PCDHA3: variants seen among roughly 807,000 people sequenced by gnomAD.
PCDHA3 encodes the protein protocadherin alpha-3.
PCDHA3 carries 41 observed loss-of-function variants against 62.2 expected under a neutral mutation model. The ratio of observed to expected loss-of-function variants is 0.66; its 90% CI spans 0.51 to 0.86. The LOEUF (loss-of-function observed/expected upper bound fraction) is 0.86, where lower values mean the gene tolerates loss of function less well. Among genes scored for constraint, PCDHA3 ranks in the 40% least tolerant of loss-of-function variants. The probability of loss-of-function intolerance (pLI) is 0.00; values close to 1 mark genes in which losing one functional copy is unlikely to be tolerated. For synonymous variants in PCDHA3, 640 were observed against 555.4 expected, an observed-to-expected ratio of 1.15 and a Z score of -2.14; for missense variants, 1,304 against 1,241.2, an observed-to-expected ratio of 1.05 and a Z score of -0.76.
chr5:140,839,529 A>G (rs1291835739), intron 1 of PCDHA3, among the ~76,000 whole-genome samples: 5 of 151,980 alleles, frequency 3.3e-5, no homozygotes, highest in Admixed American at 2.6e-4. Flanking sequence ...TGCTGGGACT[A>G]TAGGCACACA....
intron 1 of PCDHA3, among the ~76,000 whole-genome samples, chr5:140,909,036 C>T (rs2074275767): frequency 6.6e-6 from 1 of 152,162 alleles, no homozygotes; most frequent in Non-Finnish European, 1.5e-5. Flanking sequence ...CATTTATTTT[C>T]CATACTCTGG....
chr5:140,924,931 T>C (rs1414085243), intron 1 of PCDHA3, among the ~76,000 whole-genome samples: 1 of 125,890 alleles, frequency 7.9e-6, no homozygotes, highest in Admixed American at 8.0e-5. Context: ...TAAAATAAAA[T>C]AAAATAAAAA....
chr5:140,933,503 AAAGACT>A (rs2089194435), intron 1 of PCDHA3, among the ~76,000 whole-genome samples: 1 of 152,098 alleles, frequency 6.6e-6, no homozygotes, highest in Non-Finnish European at 1.5e-5. Flanking sequence ...ATTGTTAAGC[AAAGACT>A]ACAGCTGTTT....
chr5:140,884,733 T>C lies in PCDHA3; in HGVS notation c.2394+81142T>C, dbSNP rs782206169. On this transcript the variant is annotated intron_variant, in intron 1 of 3. Transcript: ENST00000522353. ...TCCTTGCAGTTGTTTGTTTAAGACA[T>C]CTTTCCTGCCAATTTCAAATTATTC... 1.1e-4 allele frequency: 158 copies of C among 1,448,002 alleles called. No homozygotes were observed. The Middle Eastern group carries it at 1.8e-3, about 17-fold the overall frequency. The allele number at this position is 1,448,002 out of a possible 1,614,324, so 89.7% of individuals were successfully genotyped here. A position where few individuals can be genotyped will look rare whatever the true frequency, so the allele number is the denominator to read the frequency against.
intron 1 of PCDHA3, chr5:140,968,059 G>A (rs1554230273): frequency 6.2e-7 from 1 of 1,614,106 alleles, no homozygotes; most frequent in South Asian, 1.1e-5. Context: ...ACCGAGAGCG[G>A]GTGGCTGTCT....
intron 1 of PCDHA3, chr5:140,830,098 G>A: frequency 1.9e-6 from 3 of 1,613,644 alleles, no homozygotes; most frequent in Non-Finnish European, 2.5e-6. Flanking sequence ...TGGTGTCGCT[G>A]GTGGAGAGTG....
intron 1 of PCDHA3, chr5:140,870,884 G>A (rs376620715): frequency 6.5e-5 from 105 of 1,613,948 alleles, no homozygotes; most frequent in Admixed American, 3.3e-4. Context: ...GCGAAGGTGC[G>A]CGCAGTGGAT....
intron 1 of PCDHA3, among the ~76,000 whole-genome samples, chr5:140,973,258 C>T (rs952911948): frequency 1.3e-5 from 2 of 152,168 alleles, no homozygotes; most frequent in African/African-American, 4.8e-5. Flanking sequence ...CTTTCAGTGG[C>T]ACCTACTTTT....
intron 1 of PCDHA3, among the ~76,000 whole-genome samples, chr5:140,847,087 C>G (rs192682814): frequency 6.7e-6 from 1 of 149,796 alleles, no homozygotes; most frequent in Non-Finnish European, 1.5e-5. Flanking sequence ...GAAAAGTCCA[C>G]TTTGGTTAAA....
intron 1 of PCDHA3, chr5:140,813,289 T>A (rs1363505191): frequency 6.6e-6 from 1 of 152,220 alleles, no homozygotes; most frequent in Non-Finnish European, 1.5e-5. Flanking sequence ...ATTGTATCAT[T>A]CTGAGATTTC....
At chr5:141,007,974 A>G (rs2098354254) in intron 3 of PCDHA3, among the ~76,000 whole-genome samples, 1 of 152,220 alleles carries the variant, frequency 6.6e-6, no homozygotes, top group Non-Finnish European at 1.5e-5. Flanking sequence ...GGTGTCTGTC[A>G]TGTATATATG....
chr5:140,853,782 G>C (rs555382075), intron 1 of PCDHA3: 1 of 987,688 alleles, frequency 1.0e-6, no homozygotes, highest in Non-Finnish European at 1.2e-6. Context: ...TGGGTAGTAA[G>C]AGCAAATTTT....
chr5:140,940,790 A>G (rs1337945408), intron 1 of PCDHA3, among the ~76,000 whole-genome samples: 3 of 152,176 alleles, frequency 2.0e-5, no homozygotes, highest in African/African-American at 7.2e-5. Context: ...TATCCTGAAA[A>G]TGATATTTGC....
chr5:140,944,419 T>C (rs2093656334), intron 1 of PCDHA3, among the ~76,000 whole-genome samples: 2 of 152,184 alleles, frequency 1.3e-5, no homozygotes, highest in South Asian at 4.1e-4. Flanking sequence ...ACTCCTGATC[T>C]GAAGTGGTCT....
At chr5:140,884,461 G>C in intron 1 of PCDHA3, 3 of 1,613,764 alleles carry the variant, frequency 1.9e-6, no homozygotes, top group Non-Finnish European at 2.5e-6. Context: ...CCGAGGGCGC[G>C]TGCGCGCCGG....
intron 1 of PCDHA3, among the ~76,000 whole-genome samples, chr5:140,832,545 G>T (rs1252442400): frequency 2.0e-5 from 3 of 152,202 alleles, no homozygotes; most frequent in Non-Finnish European, 4.4e-5. Context: ...TGTAGCTAAT[G>T]ATATCTAACA....
chr5:140,934,305 A>T, intron 1 of PCDHA3, among the ~76,000 whole-genome samples: 1 of 152,150 alleles, frequency 6.6e-6, no homozygotes, highest in African/African-American at 2.4e-5. Flanking sequence ...TATTTTTCTT[A>T]CTGCAAATGT....
intron 1 of PCDHA3, chr5:140,869,665 C>G: frequency 6.2e-7 from 1 of 1,613,338 alleles, no homozygotes; most frequent in Non-Finnish European, 8.5e-7. Flanking sequence ...AAATGGTAAG[C>G]AGATTAAAAG....
chr5:140,863,266 G>T, intron 1 of PCDHA3: 2 of 1,458,576 alleles, frequency 1.4e-6, no homozygotes, highest in Non-Finnish European at 1.9e-6. Context: ...CCGGGAGGCA[G>T]CGCTGGTGGA....
Sources: gnomAD v4.1 joint callset for allele counts (sites outside exome capture counted in the v4.1 genomes callset) on GRCh38, gnomAD v4.1.1 for gene constraint, MANE v1.5 for transcripts, NCBI Gene and HGNC (gene_info 2026-07-23, HGNC 2026-07-21) for gene names.